The following DNMBP variants were observed in gnomAD, a reference collection of about 807,000 sequenced individuals.
DNMBP encodes the protein dynamin binding protein.
In DNMBP, 87 loss-of-function variants were observed where a neutral mutation model predicts 150.0. That is an observed-to-expected ratio of 0.58 (90% CI 0.49 to 0.69). The LOEUF (loss-of-function observed/expected upper bound fraction) is 0.69. DNMBP is among the 30% of genes least tolerant of loss of function. The pLI, the probability that DNMBP is intolerant of heterozygous loss-of-function variation, is 0.00. For synonymous variants in DNMBP, 711 were observed against 750.4 expected (o/e 0.95, Z 0.86); for missense variants, 1,774 against 1,949.0 (o/e 0.91, Z 1.69).
At chr10:99,914,796 A>G (rs527585304) in intron 4 of DNMBP, among the ~76,000 whole-genome samples, 15 of 152,192 alleles carry the variant, frequency 9.9e-5, no homozygotes, top group African/African-American at 3.6e-4. Context: ...ATTTCTATAT[A>G]AACATATAGG....
chr10:99,894,852 T>C, intron 11 of DNMBP, 94 bp downstream of exon 11: 4 of 936,990 alleles, frequency 4.3e-6, no homozygotes, highest in Non-Finnish European at 6.6e-6. Flanking sequence ...GAGTCCAGAT[T>C]ACTCAGCATT....
intron 11 of DNMBP, among the ~76,000 whole-genome samples, chr10:99,893,695 C>G (rs1317451937): frequency 6.6e-6 from 1 of 152,180 alleles, no homozygotes; most frequent in Non-Finnish European, 1.5e-5. Context: ...CCACTGCACT[C>G]TAGCCTGGCG....
intron 4 of DNMBP, chr10:99,930,465 TAACC>T (rs2040138775): frequency 1.3e-5 from 9 of 702,894 alleles, no homozygotes; most frequent in Non-Finnish European, 2.1e-5. Flanking sequence ...TGGACTCCTA[TAACC>T]ATCATGACCT....
chr10:99,959,340 G>C (rs2040535434), intron 3 of DNMBP, among the ~76,000 whole-genome samples: 1 of 152,122 alleles, frequency 6.6e-6, no homozygotes, highest in Admixed American at 6.5e-5. Context: ...ACAATAATTA[G>C]CCAGGTGTGG....
In DNMBP at chr10:99,957,251, C is replaced by G. The variant is rs923721919; in HGVS notation, c.269-46G>C. 3.3e-6 allele frequency: 5 copies of G among 1,535,994 alleles called. No homozygotes were observed. In the African/African-American group the frequency reaches 6.8e-5, roughly 21 times the overall value. On this transcript the variant is annotated intron_variant, in intron 3 of 16. Coordinates refer to ENST00000324109, the MANE Select transcript of DNMBP (RefSeq NM_015221.4). ...GATGGTGACCTCAGTCATCACCCAG[C>G]AGAACATTATCACGACTAATAGTGC...
chr10:99,952,088 G>A (rs1193258203), intron 4 of DNMBP, among the ~76,000 whole-genome samples: 1 of 151,994 alleles, frequency 6.6e-6, no homozygotes. Flanking sequence ...TTTGAAAAAT[G>A]GGAGTCTCCC....
rs770969792 is a variant in DNMBP at position 99,883,964 on chromosome 10, C to T, written c.3997+47G>A. The T allele has an allele frequency of 9.0e-6, 14 of 1,559,698 alleles. No individual in the cohort carries two copies. The South Asian group carries it at 1.1e-4, about 13-fold the overall frequency. On this transcript the variant is annotated intron_variant, in intron 15 of 16. Transcript: ENST00000324109. ...CCAGATTCGGGTGCAGCCAAAACTA[C>T]TATTTTTTTTTTCCAGTTACAGTCC...
intron 3 of DNMBP, chr10:99,957,466 T>C (rs1198871656): frequency 1.9e-6 from 1 of 522,012 alleles, no homozygotes; most frequent in African/African-American, 1.9e-5. Flanking sequence ...ACCATTCTCA[T>C]AATAACACTA....
At chr10:99,915,198 C>T (rs7894475) in intron 4 of DNMBP, among the ~76,000 whole-genome samples, 45,511 of 139,404 alleles carry the variant, frequency 0.33, 7,823 homozygotes, top group Non-Finnish European at 0.39. Flanking sequence ...CATATACACA[C>T]ATATACATAT....
intron 4 of DNMBP, among the ~76,000 whole-genome samples, chr10:99,921,651 T>G (rs1323690801): frequency 6.6e-6 from 1 of 150,758 alleles, no homozygotes; most frequent in East Asian, 1.9e-4. Context: ...GCCAGGAGAT[T>G]GAGATCAGCC....
chr10:99,879,702 T>G, intron 16 of DNMBP, 109 bp downstream of exon 16: 1 of 1,516,018 alleles, frequency 6.6e-7, no homozygotes, highest in Non-Finnish European at 8.8e-7. Flanking sequence ...TGAGCTCATC[T>G]CAGATCACCC....
chr10:99,968,091 C>T (rs753988385), intron 3 of DNMBP, among the ~76,000 whole-genome samples: 39 of 152,246 alleles, frequency 2.6e-4, no homozygotes, highest in South Asian at 4.1e-4. Flanking sequence ...AGCTCACTGA[C>T]GCTTCCAACT....
At chr10:99,980,921 CA>C (rs2040774719) in intron 1 of DNMBP, among the ~76,000 whole-genome samples, 2 of 151,868 alleles carry the variant, frequency 1.3e-5, no homozygotes, top group African/African-American at 4.8e-5. Flanking sequence ...TGGTGGTTGC[CA>C]GGGGGTAGGG....
chr10:99,918,379 G>C (rs11190320), intron 4 of DNMBP, among the ~76,000 whole-genome samples: 1 of 150,186 alleles, frequency 6.7e-6, no homozygotes, highest in Non-Finnish European at 1.5e-5. Context: ...GAGGAAAAAC[G>C]TTCCTGGTGG....
intron 4 of DNMBP, among the ~76,000 whole-genome samples, chr10:99,925,560 C>G (rs1017645290): frequency 1.3e-5 from 2 of 152,102 alleles, no homozygotes; most frequent in African/African-American, 4.8e-5. Flanking sequence ...GGACTACAGG[C>G]GCCCACCAAC....
chr10:99,926,731 C>G (rs778971397), intron 4 of DNMBP, among the ~76,000 whole-genome samples: 3 of 152,092 alleles, frequency 2.0e-5, no homozygotes, highest in Non-Finnish European at 4.4e-5. Context: ...TGCAGAAATG[C>G]CTCTCAATCC....
At chr10:99,887,814 T>C (rs1300014565) in intron 12 of DNMBP, among the ~76,000 whole-genome samples, 1 of 152,124 alleles carries the variant, frequency 6.6e-6, no homozygotes, top group Non-Finnish European at 1.5e-5. Flanking sequence ...AGAAATTTGG[T>C]CTTCAGTACT....
At chr10:99,962,774 C>T (rs1414578888) in intron 3 of DNMBP, among the ~76,000 whole-genome samples, 1 of 152,288 alleles carries the variant, frequency 6.6e-6, no homozygotes, top group South Asian at 2.1e-4. Flanking sequence ...AGAATAAAAG[C>T]GTGCCATAAC....
intron 10 of DNMBP, 90 bp from the exon 11 acceptor site, chr10:99,895,140 T>C: frequency 1.4e-6 from 1 of 708,414 alleles, no homozygotes. Context: ...TTTTTTTTTT[T>C]GTGGAGACGG....
Sources: gnomAD v4.1 joint callset for allele counts (sites outside exome capture counted in the v4.1 genomes callset) on GRCh38, gnomAD v4.1.1 for gene constraint, MANE v1.5 for transcripts, NCBI Gene and HGNC (gene_info 2026-07-23, HGNC 2026-07-21) for gene names.